POLR1A: variants seen among roughly 807,000 people sequenced by gnomAD.
POLR1A encodes RNA polymerase I subunit A.
POLR1A carries 84 observed loss-of-function variants against 205.3 expected under a neutral mutation model. The ratio of observed to expected loss-of-function variants is 0.41; its 90% confidence interval spans 0.34 to 0.49. The LOEUF (loss-of-function observed/expected upper bound fraction) is 0.49, where lower values mean the gene tolerates loss of function less well. POLR1A is among the 20% of genes least tolerant of loss of function. The pLI, the probability that POLR1A is intolerant of heterozygous loss-of-function variation, is 0.22. For synonymous variants in POLR1A, 799 were observed against 863.7 expected (o/e 0.93, Z 1.31); for missense variants, 1,645 against 2,204.5 (o/e 0.75, Z 5.08).
chr2:86,056,881 C>A (rs1405310518), intron 14 of POLR1A, among the ~76,000 whole-genome samples: 2 of 152,162 alleles, frequency 1.3e-5, no homozygotes, highest in Non-Finnish European at 2.9e-5. Flanking sequence ...TACTACTGTT[C>A]ATTGACAATG....
Position 86,088,667 on chromosome 2 carries a change from G to T in POLR1A, c.629C>A (p.Thr210Asn). The stretch of plus-strand genomic sequence containing the variant: ...TTCCTTTCGGACAACGGATCGCCCG[G>T]TCCTGTGCAGGAGGACAGTTGTGAT... ...MNAKRCPHCK[T>N]GRSVVRKEHN... The change falls in exon 6 of 34, where the codon ACC (threonine) becomes AAC (asparagine). Residue 210 changes from threonine (T) to asparagine (N), a missense_variant and splice_region_variant. Physicochemically the swap from Thr to Asn is moderately conservative, Grantham distance 65. Coordinates refer to ENST00000263857, the MANE Select transcript of POLR1A (RefSeq NM_015425.6). 1 of 1,613,472 alleles carries T rather than the reference G, an allele frequency of 6.2e-7. No individual in the cohort carries two copies. The highest frequency in any genetic ancestry group is 8.5e-7 in the Non-Finnish European group (1 of 1,179,384).
chr2:86,098,465 C>T (rs1200988192), intron 3 of POLR1A, 146 bp downstream of exon 3: 1 of 734,776 alleles, frequency 1.4e-6, no homozygotes, highest in Non-Finnish European at 2.3e-6. Flanking sequence ...TGTTTTCACA[C>T]TCAGCTATTG....
Position 86,022,277 on chromosome 2 carries a change from A to G in POLR1A, c.*5146T>C, listed in dbSNP as rs1195403869. ...CTTTGTTGAGCCCCAGGTGGAGCTG[A>G]TGGTGGCATCCTTTGGACCCCACTG... On this transcript the variant is annotated 3_prime_UTR_variant, in exon 34 of 34. Transcript: ENST00000263857. The G allele has an allele frequency of 1.3e-5, 2 of 152,196 alleles. No homozygotes were observed. Among genetic ancestry groups the G allele is most frequent in the African/African-American group, 2.4e-5 (1 of 41,436 alleles). The allele number at this position is 152,196 out of a possible 1,614,324, so 9.4% of individuals were successfully genotyped here.
chr2:86,074,312 G>A (rs750034105), intron 12 of POLR1A, among the ~76,000 whole-genome samples: 9 of 152,138 alleles, frequency 5.9e-5, no homozygotes, highest in Non-Finnish European at 1.0e-4. Context: ...GGTGGGTGAG[G>A]AAAATCCAGG....
At chr2:86,079,691 T>C (rs995619037) in intron 9 of POLR1A, among the ~76,000 whole-genome samples, 2 of 152,046 alleles carry the variant, frequency 1.3e-5, no homozygotes, top group Non-Finnish European at 2.9e-5. Flanking sequence ...GCCCCCTGAG[T>C]AGCTGGCACC....
intron 31 of POLR1A, among the ~76,000 whole-genome samples, chr2:86,029,635 C>T (rs1420642412): frequency 2.4e-4 from 35 of 143,370 alleles, no homozygotes; most frequent in African/African-American, 9.2e-4. Flanking sequence ...CTCACTCTGT[C>T]CCCCAGGCTG....
intron 28 of POLR1A, among the ~76,000 whole-genome samples, chr2:86,033,351 G>A (rs1055362871): frequency 5.9e-5 from 9 of 152,224 alleles, no homozygotes; most frequent in East Asian, 3.9e-4. Context: ...CTCAGCGCAC[G>A]CCATGACCTC....
Position 86,038,737 on chromosome 2 carries a change from G to A in POLR1A, c.3997C>T (p.Leu1333=), listed in dbSNP as rs763918995. ...PHAYYQQEKC[L]RPEDILRFME... ...AAGCGCAGGATGTCCTCGGGTCTCA[G>A]GCACTTCTCCTGCTGGTAATATGCA... The change falls in exon 27 of 34, where the codon CTG becomes TTG. Residue 1333 remains leucine (L), a synonymous_variant. Transcript: ENST00000263857. 8.1e-6 allele frequency: 13 copies of A among 1,614,030 alleles called. No homozygotes were observed. The South Asian group carries it at 1.3e-4, about 16-fold the overall frequency.
In POLR1A at chr2:86,023,057, T is replaced by C. The variant is rs1468785968; in HGVS notation, c.*4366A>G. On this transcript the variant is annotated 3_prime_UTR_variant, in exon 34 of 34. Coordinates refer to ENST00000263857, the MANE Select transcript of POLR1A (RefSeq NM_015425.6). ...ACTAAAAATACAGAATCGATCTTTT[T>C]AAAAAGCTCCCTAAGTGTTTCTAAG... 1.3e-5 allele frequency: 2 copies of C among 152,204 alleles called. No individual in the cohort carries two copies. The highest frequency in any genetic ancestry group is 2.9e-5 in the Non-Finnish European group (2 of 68,036). The allele number at this position is 152,204 out of a possible 1,614,324, so 9.4% of individuals were successfully genotyped here. A position where few individuals can be genotyped will look rare whatever the true frequency, so the allele number is the denominator to read the frequency against.
In POLR1A at chr2:86,078,419, C is replaced by G. The variant is rs976671886; in HGVS notation, c.1087-135G>C. The stretch of plus-strand genomic sequence containing the variant: ...TTTATCTCCTCTGAACCTGACAGAT[C>G]AGAGACAAACATGCTAATAAATCAA... On this transcript the variant is annotated intron_variant, in intron 9 of 33. Coordinates refer to ENST00000263857, the MANE Select transcript of POLR1A (RefSeq NM_015425.6). The G allele has an allele frequency of 4.9e-6, 3 of 615,222 alleles. No homozygotes were observed. In the African/African-American group the frequency reaches 5.6e-5, roughly 11 times the overall value. 38.1% of individuals were successfully genotyped at this position (615,222 alleles called of 1,614,324 possible).
chr2:86,080,376 C>T (rs367786899), intron 9 of POLR1A, among the ~76,000 whole-genome samples: 183 of 152,262 alleles, frequency 1.2e-3, no homozygotes, highest in African/African-American at 3.8e-3. Context: ...GAGACATTAA[C>T]GTGTCCAAAA....
intron 21 of POLR1A, 97 bp downstream of exon 21, chr2:86,045,180 TC>T: frequency 1.2e-6 from 1 of 828,200 alleles, no homozygotes; most frequent in Non-Finnish European, 2.0e-6. Flanking sequence ...AGTTTTTTCA[TC>T]CAAGGAATCT....
intron 22 of POLR1A, among the ~76,000 whole-genome samples, chr2:86,043,634 A>G (rs1226510131): frequency 6.6e-6 from 1 of 152,162 alleles, no homozygotes; most frequent in Non-Finnish European, 1.5e-5. Context: ...CCTATCTGCA[A>G]ATGGGGTGAC....
intron 14 of POLR1A, among the ~76,000 whole-genome samples, chr2:86,062,670 T>TA (rs1673017761): frequency 6.6e-6 from 1 of 151,470 alleles, no homozygotes; most frequent in African/African-American, 2.4e-5. Context: ...AAGAGCAAAT[T>TA]AAACCAAAGT....
Position 86,031,500 on chromosome 2 carries a change from T to G in POLR1A, c.4408A>C (p.Thr1470Pro). 1.2e-6 allele frequency: 2 copies of G among 1,614,186 alleles called. No individual in the cohort carries two copies. Among genetic ancestry groups the G allele is most frequent in the Non-Finnish European group, 1.7e-6 (2 of 1,180,010 alleles). ...GCGGGAAGGGACGGGTCCTCCTCAG[T>G]GCCTAAGCCCACCTCTTCATCTTGC... ...QEQDEEVGLGTEEDPSLPALL... is the reference protein window; with the variant it reads ...QEQDEEVGLGPEEDPSLPALL... The change falls in exon 30 of 34, where the codon ACT becomes CCT. Residue 1470 changes from threonine to proline, a missense_variant. Physicochemically the swap from Thr to Pro is conservative, Grantham distance 38. Around this residue, in one of 16 missense-constraint regions of POLR1A, gnomAD observed 394 missense variants for 468.5 expected, o/e 0.84. Transcript: ENST00000263857.
chr2:86,033,992 C>T (rs1168872334), intron 27 of POLR1A, among the ~76,000 whole-genome samples: 1 of 152,230 alleles, frequency 6.6e-6, no homozygotes. Context: ...CACAGTCCAA[C>T]AGGCCTGGTC....
At chr2:86,041,149 CTGTG>C (rs756415592) in intron 24 of POLR1A, among the ~76,000 whole-genome samples, 1,384 of 122,288 alleles carry the variant, frequency 0.011, 20 homozygotes, top group African/African-American at 0.029. Context: ...CTGAGCTACA[CTGTG>C]TGTGTGTGTG....
At chr2:86,029,137 C>G (rs553944163) in intron 31 of POLR1A, among the ~76,000 whole-genome samples, 1 of 152,326 alleles carries the variant, frequency 6.6e-6, no homozygotes, top group East Asian at 1.9e-4. Flanking sequence ...ATGTGCTGGG[C>G]CTTACCAAGG....
At chr2:86,059,494 T>C (rs896141264) in intron 14 of POLR1A, among the ~76,000 whole-genome samples, 4 of 152,288 alleles carry the variant, frequency 2.6e-5, no homozygotes, top group East Asian at 1.9e-4. Flanking sequence ...TATCAGGTGG[T>C]TGAATGTCAG....
Sources: gnomAD v4.1 joint callset for allele counts (sites outside exome capture counted in the v4.1 genomes callset) on GRCh38, gnomAD v4.1.1 for gene constraint, gnomAD v4.1.1 regional missense constraint, MANE v1.5 for transcripts, NCBI Gene and HGNC (gene_info 2026-07-23, HGNC 2026-07-21) for gene names.